The following MTBP variants were observed in gnomAD, a reference collection of about 807,000 sequenced individuals.
The protein encoded by MTBP is mdm2-binding protein.
A neutral mutation model predicts 117.0 loss-of-function variants in MTBP; 101 were observed. That is an observed-to-expected ratio of 0.86 (90% CI 0.73 to 1.02). The LOEUF (loss-of-function observed/expected upper bound fraction) is 1.02, where lower values mean the gene tolerates loss of function less well. Among genes scored for constraint, MTBP ranks in the 50% least tolerant of loss-of-function variants. The pLI is 0.00. For synonymous variants in MTBP, 350 were observed against 351.5 expected (o/e 1.00, Z 0.05); for missense variants, 970 against 1,030.9 (o/e 0.94, Z 0.81).
chr8:120,459,305 G>A lies in MTBP; in HGVS notation c.838G>A (p.Ala280Thr). Residue 280 changes from alanine (A) to threonine (T), a missense_variant, in exon 8 of 22, where the codon GCC becomes ACC. Coordinates refer to ENST00000305949, the MANE Select transcript of MTBP (RefSeq NM_022045.5). ...TTCTAATTTAAATACTGACTTCCTT[G>A]CCAAAAAGATCATACCATCAAAGGA... Reference protein sequence around the residue: ...STSNLNTDFLAKKIIPSKDKN... With the variant: ...STSNLNTDFLTKKIIPSKDKN... 1 of 1,611,574 alleles carries A rather than the reference G, an allele frequency of 6.2e-7. No homozygotes were observed. The highest frequency in any genetic ancestry group is 8.5e-7 in the Non-Finnish European group (1 of 1,178,994).
In MTBP at chr8:120,463,706, G is replaced by A; in HGVS notation, c.992G>A (p.Ser331Asn). Residue 331 changes from serine to asparagine, a missense_variant, in exon 10 of 22, where the codon AGT becomes AAT. Coordinates refer to ENST00000305949, the MANE Select transcript of MTBP (RefSeq NM_022045.5). ...CCTTAGTACAGAGGATTGACAAACA[G>A]TACCAAACAGAATTCTGTGTTGCTG... ...DIEFELGLTN[S>N]TKQNSVLLLE... is the part of the protein sequence containing the mutation. The A allele has an allele frequency of 6.2e-7, 1 of 1,611,262 alleles. No homozygotes were observed. The highest frequency in any genetic ancestry group is 8.5e-7 in the Non-Finnish European group (1 of 1,178,158).
intron 11 of MTBP, among the ~76,000 whole-genome samples, chr8:120,485,742 T>C (rs1259252878): frequency 3.3e-5 from 5 of 152,244 alleles, no homozygotes; most frequent in African/African-American, 1.2e-4. Flanking sequence ...ATATTGTAGC[T>C]ATTGGTTAAT....
In MTBP at chr8:120,451,494, G is replaced by A. The variant is rs560889475; in HGVS notation, c.425+172G>A. The stretch of plus-strand genomic sequence containing the variant: ...TTATTTGAATAAAATTCTTTAAAAT[G>A]CATGTTTCTTAAGCTTACATAATGT... On this transcript the variant is annotated intron_variant, in intron 4 of 21. Coordinates refer to ENST00000305949, the MANE Select transcript of MTBP (RefSeq NM_022045.5). 4.1e-4 allele frequency: 220 copies of A among 539,354 alleles called. 2 individuals are homozygous for A. The South Asian group carries it at 5.8e-3, about 14-fold the overall frequency. 33.4% of individuals were successfully genotyped at this position (539,354 alleles called of 1,614,324 possible).
intron 14 of MTBP, among the ~76,000 whole-genome samples, chr8:120,501,347 G>A (rs1006804436): frequency 7.2e-5 from 11 of 152,010 alleles, no homozygotes; most frequent in Non-Finnish European, 1.6e-4. Flanking sequence ...GGGCGACAGC[G>A]AGACTCCGTC....
chr8:120,515,388 C>T (rs1006541996), intron 17 of MTBP, among the ~76,000 whole-genome samples: 9 of 151,996 alleles, frequency 5.9e-5, no homozygotes, highest in African/African-American at 2.2e-4. Flanking sequence ...CATGCACAGA[C>T]AGCCGAAGTG....
intron 13 of MTBP, among the ~76,000 whole-genome samples, chr8:120,496,641 T>C (rs964936678): frequency 6.6e-6 from 1 of 152,060 alleles, no homozygotes. Context: ...TGAATAGATT[T>C]TTCCTTAATC....
chr8:120,495,546 CTCTCTCTCTT>C (rs1272404797), intron 13 of MTBP, among the ~76,000 whole-genome samples: 2 of 151,578 alleles, frequency 1.3e-5, no homozygotes. Context: ...CTCCCATTCT[CTCTCTCTCTT>C]TCTCTCTCTG....
At chr8:120,476,030 TAAGGTAATCAAGG>T (rs1353127975) in intron 11 of MTBP, among the ~76,000 whole-genome samples, 1 of 151,928 alleles carries the variant, frequency 6.6e-6, no homozygotes, top group East Asian at 1.9e-4. Flanking sequence ...TTGAGAAAAA[TAAGGTAATCAAGG>T]AAACCAAGAA....
rs139197322 is a variant in MTBP at position 120,516,103 on chromosome 8, G to A, written c.2158G>A (p.Gly720Arg). Reference protein sequence around the residue: ...VSSDPGSVPDGEVLQNELRTE... With the variant: ...VSSDPGSVPDREVLQNELRTE... ...GTCAGATCCTGGAAGTGTCCCTGAC[G>A]GAGAAGTTTTACAAAATGAACTTCG... Residue 720 changes from glycine (G) to arginine (R), a missense_variant, in exon 18 of 22, where the codon GGA becomes AGA. Transcript: ENST00000305949. The A allele has an allele frequency of 4.4e-4, 717 of 1,612,844 alleles. 1 individual carries two copies. The African/African-American group carries it at 7.1e-3, about 16-fold the overall frequency.
chr8:120,510,906 C>A (rs1200662595), intron 17 of MTBP, among the ~76,000 whole-genome samples: 40 of 147,392 alleles, frequency 2.7e-4, no homozygotes, highest in African/African-American at 1.0e-3. Flanking sequence ...GAGACCCTGT[C>A]TCAAGAAAAA....
intron 10 of MTBP, among the ~76,000 whole-genome samples, chr8:120,464,631 G>A (rs1486464315): frequency 6.6e-6 from 1 of 151,934 alleles, no homozygotes; most frequent in Non-Finnish European, 1.5e-5. Flanking sequence ...ACCTTAAGAT[G>A]TATATTTGAC....
chr8:120,457,182 C>G (rs976776010), intron 7 of MTBP, among the ~76,000 whole-genome samples: 7 of 152,084 alleles, frequency 4.6e-5, no homozygotes, highest in African/African-American at 1.7e-4. Context: ...CCAGATTTCT[C>G]AATTATAAGA....
At chr8:120,478,400 AAAG>A (rs941095216) in intron 11 of MTBP, among the ~76,000 whole-genome samples, 10 of 152,194 alleles carry the variant, frequency 6.6e-5, no homozygotes, top group African/African-American at 2.4e-4. Flanking sequence ...AAAGTATAAT[AAAG>A]AAAAAAAAAA....
intron 14 of MTBP, among the ~76,000 whole-genome samples, chr8:120,502,285 T>C (rs1424224576): frequency 1.3e-5 from 2 of 152,188 alleles, no homozygotes; most frequent in Non-Finnish European, 2.9e-5. Flanking sequence ...TGAAGTGATA[T>C]TTTATTTTTA....
chr8:120,515,898 A>G, intron 17 of MTBP, 27 bp from the exon 18 acceptor site: 1 of 1,603,110 alleles, frequency 6.2e-7, no homozygotes, highest in East Asian at 2.2e-5. Context: ...GGAGGTTTAC[A>G]TTTTAATGCT....
intron 17 of MTBP, 105 bp from the exon 18 acceptor site, chr8:120,515,820 A>G: frequency 9.3e-7 from 1 of 1,080,308 alleles, no homozygotes; most frequent in Non-Finnish European, 1.3e-6. Flanking sequence ...TTAGGAAATT[A>G]AACAAGAACT....
At chr8:120,504,012 C>G (rs907408953) in intron 15 of MTBP, among the ~76,000 whole-genome samples, 3 of 151,956 alleles carry the variant, frequency 2.0e-5, no homozygotes, top group African/African-American at 7.2e-5. Flanking sequence ...TTGATCTATC[C>G]AAGTGGAAAT....
At chr8:120,493,280 T>C (rs546137091) in intron 13 of MTBP, among the ~76,000 whole-genome samples, 6 of 152,344 alleles carry the variant, frequency 3.9e-5, no homozygotes, top group African/African-American at 1.4e-4. Flanking sequence ...AACTCATTTG[T>C]GTGAAGACTA....
intron 14 of MTBP, among the ~76,000 whole-genome samples, chr8:120,498,537 G>A (rs1048709882): frequency 1.3e-5 from 2 of 152,152 alleles, no homozygotes; most frequent in Non-Finnish European, 2.9e-5. Flanking sequence ...TGATCTTTGT[G>A]CCTCTGCTTC....
Sources: gnomAD v4.1 joint callset for allele counts (sites outside exome capture counted in the v4.1 genomes callset) on GRCh38, gnomAD v4.1.1 for gene constraint, MANE v1.5 for transcripts, NCBI Gene and HGNC (gene_info 2026-07-23, HGNC 2026-07-21) for gene names.